WWP1: variants seen among roughly 807,000 people sequenced by gnomAD.
WWP1 encodes NEDD4-like E3 ubiquitin-protein ligase WWP1.
In WWP1, 49 loss-of-function variants were observed where a neutral mutation model predicts 130.6. That is an observed-to-expected ratio of 0.38 (90% CI 0.30 to 0.48). The LOEUF (loss-of-function observed/expected upper bound fraction) is 0.48. Among genes scored for constraint, WWP1 ranks in the 20% least tolerant of loss-of-function variants. The pLI, the probability that WWP1 is intolerant of heterozygous loss-of-function variation, is 0.99. For missense variants in WWP1, 809 were observed against 1,100.6 expected, an observed-to-expected ratio of 0.74 and a Z score of 3.75; for synonymous variants, 332 against 367.8, an observed-to-expected ratio of 0.90 and a Z score of 1.11.
intron 16 of WWP1, 47 bp from the exon 17 acceptor site, chr8:86,438,538 T>A: frequency 7.2e-7 from 1 of 1,397,050 alleles, no homozygotes; most frequent in Middle Eastern, 1.8e-4. Flanking sequence ...GAAAGGAACT[T>A]GTACTGCATG....
At chr8:86,417,146 G>C (rs1808934400) in intron 9 of WWP1, 1 of 152,286 alleles carries the variant, frequency 6.6e-6, no homozygotes, top group Non-Finnish European at 1.5e-5. Context: ...TGGCCAGGCT[G>C]CTCCCTTGTG....
chr8:86,446,971 G>C (rs117073018), intron 18 of WWP1, among the ~76,000 whole-genome samples: 1 of 152,166 alleles, frequency 6.6e-6, no homozygotes, highest in Admixed American at 6.6e-5. Context: ...GAAATAGGAA[G>C]TAAGATCATC....
chr8:86,416,284 G>C (rs1808882490), intron 9 of WWP1, among the ~76,000 whole-genome samples: 1 of 152,214 alleles, frequency 6.6e-6, no homozygotes, highest in Non-Finnish European at 1.5e-5. Flanking sequence ...ACAAAGGGAA[G>C]GAGGAATGTT....
chr8:86,419,504 A>G (rs757976710), intron 9 of WWP1, among the ~76,000 whole-genome samples: 6 of 152,220 alleles, frequency 3.9e-5, no homozygotes, highest in Non-Finnish European at 5.9e-5. Context: ...CCAATGCTAT[A>G]AAAATGGAAT....
At chr8:86,452,138 C>CA (rs1260892841) in intron 20 of WWP1, among the ~76,000 whole-genome samples, 1 of 151,990 alleles carries the variant, frequency 6.6e-6, no homozygotes, top group Non-Finnish European at 1.5e-5. Flanking sequence ...TCAGGTCTGT[C>CA]ACGGCAATGC....
At chr8:86,380,424 A>C (rs1824918332) in intron 3 of WWP1, among the ~76,000 whole-genome samples, 1 of 152,308 alleles carries the variant, frequency 6.6e-6, no homozygotes, top group East Asian at 1.9e-4. Flanking sequence ...TTATGGTAAC[A>C]AAACTGTTTT....
At chr8:86,449,988 TTCCTTAAGCATGAATCCA>T (rs1321152938) in intron 20 of WWP1, among the ~76,000 whole-genome samples, 3 of 152,224 alleles carry the variant, frequency 2.0e-5, no homozygotes, top group African/African-American at 7.2e-5. Flanking sequence ...AGCAGAAAAC[TTCCTTAAGCATGAATCCA>T]TACATCCTGC....
Position 86,374,089 on chromosome 8 carries a change from C to G in WWP1, c.39C>G (p.Asn13Lys), listed in dbSNP as rs1359375086. The change falls in exon 3 of 25, where the codon AAC becomes AAG. Residue 13 changes from asparagine to lysine, a missense_variant. By Grantham distance (94) the Asn-to-Lys change is moderately conservative. Coordinates refer to ENST00000517970, the MANE Select transcript of WWP1 (RefSeq NM_007013.4). Reference protein sequence around the residue: ...TASPRSDTSNNHSGRLQLQVT... With the variant: ...TASPRSDTSNKHSGRLQLQVT... Reference sequence around the variant, plus strand: ...CACCAAGGTCTGATACTAGTAATAACCACAGTGGAAGGTTGCAGTTACAGG... The same window carrying G: ...CACCAAGGTCTGATACTAGTAATAAGCACAGTGGAAGGTTGCAGTTACAGG... 6.2e-7 allele frequency: 1 copy of G among 1,610,220 alleles called. No homozygotes were observed. The highest frequency in any genetic ancestry group is 8.5e-7 in the Non-Finnish European group (1 of 1,178,692).
chr8:86,414,634 A>G (rs1808781088), intron 9 of WWP1, among the ~76,000 whole-genome samples: 1 of 152,130 alleles, frequency 6.6e-6, no homozygotes, highest in Non-Finnish European at 1.5e-5. Flanking sequence ...CATTTAGCTA[A>G]CAACAGGATA....
chr8:86,448,633 A>G lies in WWP1; in HGVS notation c.2273+120A>G, dbSNP rs193127753. On this transcript the variant is annotated intron_variant, in intron 20 of 24. Transcript: ENST00000517970. ...TGGGAAGTTCTTCTCACCAGTACCA[A>G]TGTTCTTGAAAAAAGAGAATATATG... 2,151 of 895,350 alleles carry G rather than the reference A, an allele frequency of 2.4e-3. 9 individuals carry two copies. Among genetic ancestry groups the G allele is most frequent in the Non-Finnish European group, 3.1e-3 (1,934 of 631,544 alleles). 55.5% of individuals were successfully genotyped at this position (895,350 alleles called of 1,614,324 possible). A position where few individuals can be genotyped will look rare whatever the true frequency, so the allele number is the denominator to read the frequency against.
Position 86,435,644 on chromosome 8 carries a change from A to G in WWP1, c.1689A>G (p.Leu563=), listed in dbSNP as rs1810248864. The G allele has an allele frequency of 2.5e-6, 4 of 1,613,196 alleles. No homozygotes were observed. Among genetic ancestry groups the G allele is most frequent in the South Asian group, 1.1e-5 (1 of 90,964 alleles). ...ATTTTTGTTTTTAGTCTAATGCACTACCTAGTCATGTAAAGATCAATGTGT... is the reference window on the plus strand; with the variant it reads ...ATTTTTGTTTTTAGTCTAATGCACTGCCTAGTCATGTAAAGATCAATGTGT... ...HFRYLCQSNA[L]PSHVKINVSR... Residue 563 remains leucine, a synonymous_variant, in exon 16 of 25, where the codon CTA becomes CTG. Transcript: ENST00000517970.
chr8:86,454,390 C>T (rs1475388370), intron 21 of WWP1, among the ~76,000 whole-genome samples: 7 of 151,608 alleles, frequency 4.6e-5, no homozygotes, highest in Non-Finnish European at 8.8e-5. Flanking sequence ...TATGGAAAGC[C>T]GATATATATG....
intron 21 of WWP1, among the ~76,000 whole-genome samples, chr8:86,457,387 A>C (rs1811505664): frequency 6.6e-6 from 1 of 151,638 alleles, no homozygotes; most frequent in Non-Finnish European, 1.5e-5. Context: ...ATGAATTTGG[A>C]TAGCCAGTTT....
chr8:86,372,606 A>G (rs1232970136), intron 2 of WWP1, among the ~76,000 whole-genome samples: 1 of 152,170 alleles, frequency 6.6e-6, no homozygotes, highest in African/African-American at 2.4e-5. Context: ...TTGGTTTTAT[A>G]TATGATGTGC....
At chr8:86,388,500 T>A (rs1421767066) in intron 5 of WWP1, among the ~76,000 whole-genome samples, 1 of 152,210 alleles carries the variant, frequency 6.6e-6, no homozygotes. Flanking sequence ...TATGATTTGC[T>A]GCCATTTGTC....
intron 9 of WWP1, among the ~76,000 whole-genome samples, chr8:86,424,546 C>T (rs1350231479): frequency 6.6e-6 from 1 of 152,016 alleles, no homozygotes; most frequent in African/African-American, 2.4e-5. Flanking sequence ...ACTCCGTCTG[C>T]AATCCCGGCA....
intron 1 of WWP1, among the ~76,000 whole-genome samples, chr8:86,360,068 CA>C (rs751631392): frequency 1.5e-5 from 2 of 131,484 alleles, no homozygotes; most frequent in East Asian, 2.1e-4. Context: ...AAACAAAAAA[CA>C]AAAAAAAAAC....
At chr8:86,432,888 G>A (rs547795452) in intron 14 of WWP1, among the ~76,000 whole-genome samples, 3 of 152,284 alleles carry the variant, frequency 2.0e-5, no homozygotes, top group East Asian at 3.9e-4. Context: ...GATTACAGGC[G>A]TGAGCCATCA....
intron 1 of WWP1, among the ~76,000 whole-genome samples, chr8:86,345,487 G>T (rs1169691427): frequency 6.6e-6 from 1 of 152,074 alleles, no homozygotes; most frequent in East Asian, 1.9e-4. Flanking sequence ...TGGGCTCATT[G>T]CAACCTCCGC....
Sources: gnomAD v4.1 joint callset for allele counts (sites outside exome capture counted in the v4.1 genomes callset) on GRCh38, gnomAD v4.1.1 for gene constraint, MANE v1.5 for transcripts, NCBI Gene and HGNC (gene_info 2026-07-23, HGNC 2026-07-21) for gene names.